The following SPATA16 variants were observed in gnomAD, a reference collection of about 807,000 sequenced individuals.
SPATA16 encodes spermatogenesis associated 16.
A neutral mutation model predicts 63.3 loss-of-function variants in SPATA16; 36 were observed. The ratio of observed to expected loss-of-function variants is 0.57; its 90% CI spans 0.44 to 0.75. SPATA16 has a LOEUF of 0.75. SPATA16 is among the 30% of genes least tolerant of loss of function. The pLI is 0.00. For missense variants in SPATA16, 646 were observed against 679.3 expected, an observed-to-expected ratio of 0.95 and a Z score of 0.54; for synonymous variants, 203 against 216.7, an observed-to-expected ratio of 0.94 and a Z score of 0.56.
At chr3:172,893,391 G>A (rs565502718) in intron 10 of SPATA16, among the ~76,000 whole-genome samples, 3 of 152,200 alleles carry the variant, frequency 2.0e-5, no homozygotes, top group Non-Finnish European at 4.4e-5. Context: ...GTACGATAAA[G>A]AATGCCAGCA....
chr3:172,906,817 C>T (rs1392682159), intron 10 of SPATA16, among the ~76,000 whole-genome samples: 1 of 152,188 alleles, frequency 6.6e-6, no homozygotes, highest in Non-Finnish European at 1.5e-5. Flanking sequence ...TCTTGGCTCA[C>T]TGCAACCTCC....
At chr3:173,092,524 T>C (rs1360784551) in intron 2 of SPATA16, among the ~76,000 whole-genome samples, 3 of 152,096 alleles carry the variant, frequency 2.0e-5, no homozygotes, top group East Asian at 1.9e-4. Context: ...TCTTTGAATG[T>C]GAAATAGAGA....
intron 6 of SPATA16, among the ~76,000 whole-genome samples, chr3:172,927,056 CA>C (rs1234871806): frequency 2.0e-5 from 3 of 152,126 alleles, no homozygotes; most frequent in African/African-American, 7.2e-5. Context: ...TAAAATAGTA[CA>C]CCACGAGTGT....
At chr3:172,978,155 C>CTATA (rs1307939428) in intron 4 of SPATA16, among the ~76,000 whole-genome samples, 107 of 148,958 alleles carry the variant, frequency 7.2e-4, no homozygotes, top group African/African-American at 2.5e-3. Context: ...CTCTCTCTCT[C>CTATA]TCTCTCTATA....
chr3:173,109,810 C>A (rs1292833969), intron 2 of SPATA16, among the ~76,000 whole-genome samples: 2 of 152,094 alleles, frequency 1.3e-5, no homozygotes, highest in Non-Finnish European at 2.9e-5. Flanking sequence ...CACTTTGGAT[C>A]CTTGAGGGCA....
intron 2 of SPATA16, among the ~76,000 whole-genome samples, chr3:173,067,173 A>G (rs1469372339): frequency 2.0e-5 from 3 of 152,100 alleles, no homozygotes; most frequent in African/African-American, 7.2e-5. Flanking sequence ...GATCTAGAAA[A>G]TAACCCCCAA....
intron 4 of SPATA16, among the ~76,000 whole-genome samples, chr3:173,005,317 T>G (rs955505653): frequency 7.2e-5 from 10 of 138,554 alleles, no homozygotes; most frequent in African/African-American, 2.5e-4. Context: ...AGCAAGACTC[T>G]GTCTCAAAAG....
chr3:173,093,024 AT>A (rs1397795673), intron 2 of SPATA16, among the ~76,000 whole-genome samples: 1 of 146,104 alleles, frequency 6.8e-6, no homozygotes, highest in Non-Finnish European at 1.5e-5. Context: ...TTTTATTGTA[AT>A]TTTTATGCAC....
chr3:173,054,731 C>G (rs529239197), intron 2 of SPATA16, among the ~76,000 whole-genome samples: 2 of 151,876 alleles, frequency 1.3e-5, no homozygotes, highest in Non-Finnish European at 2.9e-5. Context: ...CTGTACGTTC[C>G]GCACATGTAT....
intron 3 of SPATA16, among the ~76,000 whole-genome samples, chr3:173,030,493 T>C (rs1389210307): frequency 2.0e-5 from 3 of 152,018 alleles, no homozygotes; most frequent in African/African-American, 4.8e-5. Flanking sequence ...ACATCACTAA[T>C]TGTTAGGGAA....
Position 172,956,837 on chromosome 3 carries a change from A to T in SPATA16, c.934-13T>A, listed in dbSNP as rs562174338. On this transcript the variant is annotated splice_polypyrimidine_tract_variant and intron_variant, in intron 5 of 10. Transcript: ENST00000351008. ...CCTCAATCATGGCCTAAGAGGAAAC[A>T]AACAACCCATTTGGCATCAATAACA... 11 of 1,613,252 alleles carry T rather than the reference A, an allele frequency of 6.8e-6. No individual in the cohort carries two copies. Among genetic ancestry groups the T allele is most frequent in the Non-Finnish European group, 9.3e-6 (11 of 1,179,460 alleles).
intron 2 of SPATA16, among the ~76,000 whole-genome samples, chr3:173,103,060 C>T (rs372342106): frequency 3.9e-4 from 59 of 152,330 alleles, no homozygotes; most frequent in Middle Eastern, 3.4e-3. Context: ...AAATAATCTC[C>T]GTTGCCTCCA....
At chr3:173,042,963 A>G (rs1159096644) in intron 3 of SPATA16, among the ~76,000 whole-genome samples, 2 of 152,068 alleles carry the variant, frequency 1.3e-5, no homozygotes, top group African/African-American at 4.8e-5. Flanking sequence ...CTTAAATTCT[A>G]CTTTGGTAAT....
At position 172,955,323 on chromosome 3, in the gene SPATA16, G is replaced by A. The variant is rs375747471; in HGVS notation, c.1081+1354C>T. Among the ~76,000 whole-genome samples the A allele has an allele frequency of 2.2e-4, 33 of 152,116 alleles. 3 individuals carry two copies. Among genetic ancestry groups the A allele is most frequent in the Admixed American group, 3.9e-4 (6 of 15,266 alleles). The stretch of plus-strand genomic sequence containing the variant: ...GAGTGGAAATGGAAATAGCTGAATC[G>A]AACTCATTTTTCCATAATGCTAGAT... On this transcript the variant is annotated intron_variant, in intron 6 of 10. Transcript: ENST00000351008.
At position 173,130,378 on chromosome 3, in the gene SPATA16, A is replaced by G. The variant is rs1285187133; in HGVS notation, c.-19+10725T>C. 2.6e-5 allele frequency among the ~76,000 whole-genome samples: 4 copies of G among 151,630 alleles called. 1 individual carries two copies. The highest frequency in any genetic ancestry group is 4.1e-4 in the South Asian group (2 of 4,824). On this transcript the variant is annotated intron_variant, in intron 1 of 10. Coordinates refer to ENST00000351008, the MANE Select transcript of SPATA16 (RefSeq NM_031955.6). ...CGTCTCAAAAAAAAAAAAAAAAAAA[A>G]AAAAAGAAATTCTATAATCCCCAAA... is the stretch of plus-strand genomic sequence containing the variant.
At chr3:173,097,780 C>G (rs1327192331) in intron 2 of SPATA16, among the ~76,000 whole-genome samples, 3 of 152,164 alleles carry the variant, frequency 2.0e-5, no homozygotes, top group East Asian at 1.9e-4. Flanking sequence ...AGCTGTTGCT[C>G]TACTTCCAGC....
At chr3:172,933,763 A>G (rs542243909) in intron 6 of SPATA16, among the ~76,000 whole-genome samples, 1 of 152,328 alleles carries the variant, frequency 6.6e-6, no homozygotes, top group East Asian at 1.9e-4. Context: ...TCACTAAGTC[A>G]GTTTGAGCTG....
At chr3:173,132,814 C>T (rs745336032) in intron 1 of SPATA16, among the ~76,000 whole-genome samples, 3 of 152,020 alleles carry the variant, frequency 2.0e-5, no homozygotes, top group Non-Finnish European at 4.4e-5. Context: ...AAATATAAAA[C>T]GGATAGCAAT....
At chr3:172,959,936 C>A (rs1733710997) in intron 5 of SPATA16, among the ~76,000 whole-genome samples, 1 of 150,210 alleles carries the variant, frequency 6.7e-6, no homozygotes. Flanking sequence ...GTTTAGATAC[C>A]AAAAGATTAA....
Sources: gnomAD v4.1 joint callset for allele counts (sites outside exome capture counted in the v4.1 genomes callset) on GRCh38, gnomAD v4.1.1 for gene constraint, MANE v1.5 for transcripts, NCBI Gene and HGNC (gene_info 2026-07-23, HGNC 2026-07-21) for gene names.